Variants in ZNF804B observed in about 807,000 individuals in gnomAD.
ZNF804B encodes zinc finger 804B.
ZNF804B carries 80 observed loss-of-function variants against 101.4 expected under a neutral mutation model. That is an observed-to-expected ratio of 0.79 (90% confidence interval 0.66 to 0.95). The LOEUF (loss-of-function observed/expected upper bound fraction) is 0.95, where lower values mean the gene tolerates loss of function less well. Among genes scored for constraint, ZNF804B ranks in the 40% least tolerant of loss-of-function variants. The pLI is 0.00. For synonymous variants in ZNF804B, 622 were observed against 558.8 expected (o/e 1.11, Z -1.59); for missense variants, 1,673 against 1,561.9 (o/e 1.07, Z -1.20).
chr7:89,029,607 T>G (rs1362669001), intron 1 of ZNF804B, among the ~76,000 whole-genome samples: 1 of 152,186 alleles, frequency 6.6e-6, no homozygotes, highest in Non-Finnish European at 1.5e-5. Flanking sequence ...TGATTGCATG[T>G]ATTTTATACT....
rs888758365 is a variant in ZNF804B, at chr7:89,066,961, A to G, written c.109-151194A>G. On this transcript the variant is annotated intron_variant, in intron 1 of 3. Coordinates refer to ENST00000333190, the MANE Select transcript of ZNF804B (RefSeq NM_181646.5). ...CTAATATATATATAAGTATATATATATCTTGTGGTTATTTTATCATCCTAC... is the reference window on the plus strand; with the variant it reads ...CTAATATATATATAAGTATATATATGTCTTGTGGTTATTTTATCATCCTAC... Among the ~76,000 whole-genome samples, 4 of 151,998 alleles carry G rather than the reference A, an allele frequency of 2.6e-5. No homozygotes were observed. The East Asian group carries it at 7.7e-4, about 29-fold the overall frequency.
chr7:89,042,280 A>G (rs1169267929), intron 1 of ZNF804B, among the ~76,000 whole-genome samples: 1 of 152,182 alleles, frequency 6.6e-6, no homozygotes, highest in African/African-American at 2.4e-5. Flanking sequence ...TCAAAATGCA[A>G]TCAGAAATGT....
intron 2 of ZNF804B, among the ~76,000 whole-genome samples, chr7:89,278,280 A>T (rs1208860): frequency 0.41 from 62,309 of 150,594 alleles, 13,325 homozygotes; most frequent in African/African-American, 0.5. Flanking sequence ...GTTGTGAAAA[A>T]TTTCTCCCAT....
chr7:88,845,204 C>A (rs1791350505), intron 1 of ZNF804B, among the ~76,000 whole-genome samples: 1 of 152,142 alleles, frequency 6.6e-6, no homozygotes, highest in Admixed American at 6.5e-5. Flanking sequence ...ACTTCTGATT[C>A]TGTGTAACAT....
chr7:88,877,059 T>TGAAAAAAAAATATA (rs1791964041), intron 1 of ZNF804B, among the ~76,000 whole-genome samples: 1 of 69,168 alleles, frequency 1.4e-5, no homozygotes, highest in African/African-American at 7.8e-5. Flanking sequence ...ATTTTTTTTT[T>TGAAAAAAAAATATA]TTTTTTTTTT....
intron 1 of ZNF804B, among the ~76,000 whole-genome samples, chr7:88,811,761 G>T (rs1438849192): frequency 1.3e-5 from 2 of 152,154 alleles, no homozygotes; most frequent in African/African-American, 4.8e-5. Flanking sequence ...TCATAAGTAG[G>T]AGCTGAACAA....
At chr7:88,972,840 A>G (rs894890072) in intron 1 of ZNF804B, among the ~76,000 whole-genome samples, 4 of 151,438 alleles carry the variant, frequency 2.6e-5, no homozygotes, top group African/African-American at 9.7e-5. Context: ...GTTTGGAAAA[A>G]GAAGGAAAGG....
chr7:88,920,398 C>T (rs1335177416), intron 1 of ZNF804B, among the ~76,000 whole-genome samples: 1 of 151,952 alleles, frequency 6.6e-6, no homozygotes, highest in African/African-American at 2.4e-5. Flanking sequence ...ATGCATTGTA[C>T]AAATACATGT....
chr7:89,075,384 G>A (rs1262600538), intron 1 of ZNF804B, among the ~76,000 whole-genome samples: 3 of 152,132 alleles, frequency 2.0e-5, no homozygotes, highest in African/African-American at 7.2e-5. Context: ...AGCCACTCCA[G>A]CCATGACTAA....
At chr7:89,211,486 T>C (rs1788802876) in intron 1 of ZNF804B, among the ~76,000 whole-genome samples, 1 of 151,914 alleles carries the variant, frequency 6.6e-6, no homozygotes, top group Non-Finnish European at 1.5e-5. Context: ...TCTAGGATTT[T>C]TGTTGTTTTG....
At chr7:89,265,291 T>TGTGTCC (rs1554386380) in intron 2 of ZNF804B, among the ~76,000 whole-genome samples, 1 of 63,680 alleles carries the variant, frequency 1.6e-5, no homozygotes, top group Admixed American at 1.2e-4. Context: ...TGTGTGTGTG[T>TGTGTCC]GTGCGCGTGC....
At chr7:88,876,999 A>G (rs1157473931) in intron 1 of ZNF804B, among the ~76,000 whole-genome samples, 1 of 73,958 alleles carries the variant, frequency 1.4e-5, no homozygotes, top group Non-Finnish European at 2.1e-5. Flanking sequence ...AGAATATTTG[A>G]AAAAAAAAAT....
chr7:88,829,261 T>A (rs1036723687), intron 1 of ZNF804B, among the ~76,000 whole-genome samples: 13 of 152,036 alleles, frequency 8.6e-5, no homozygotes, highest in Non-Finnish European at 1.6e-4. Flanking sequence ...TGAACATTTT[T>A]AATTTTTTTA....
At chr7:88,801,842 A>C (rs753806877) in intron 1 of ZNF804B, among the ~76,000 whole-genome samples, 3 of 152,186 alleles carry the variant, frequency 2.0e-5, no homozygotes, top group Non-Finnish European at 4.4e-5. Context: ...AGAATATTTC[A>C]AGGGAGGAAA....
intron 1 of ZNF804B, among the ~76,000 whole-genome samples, chr7:88,849,915 G>A (rs1192847503): frequency 2.6e-5 from 4 of 151,590 alleles, no homozygotes; most frequent in Non-Finnish European, 5.9e-5. Flanking sequence ...CAGGCCTAGA[G>A]AAAAAAATTT....
chr7:88,923,291 C>T (rs957459746), intron 1 of ZNF804B, among the ~76,000 whole-genome samples: 2 of 152,024 alleles, frequency 1.3e-5, no homozygotes, highest in Non-Finnish European at 2.9e-5. Context: ...AATGATTTCT[C>T]ATCAGTGGAC....
intron 2 of ZNF804B, among the ~76,000 whole-genome samples, chr7:89,236,146 A>G (rs1421614720): frequency 2.0e-5 from 3 of 152,104 alleles, no homozygotes; most frequent in African/African-American, 7.2e-5. Flanking sequence ...TTCAATCAAC[A>G]TTTATTTAGC....
At chr7:89,140,432 C>T (rs1401016654) in intron 1 of ZNF804B, among the ~76,000 whole-genome samples, 1 of 152,026 alleles carries the variant, frequency 6.6e-6, no homozygotes, top group Non-Finnish European at 1.5e-5. Flanking sequence ...CCTAGTATTT[C>T]TTATCTTTAT....
At chr7:88,965,253 T>C (rs1369766393) in intron 1 of ZNF804B, among the ~76,000 whole-genome samples, 3 of 151,396 alleles carry the variant, frequency 2.0e-5, no homozygotes, top group African/African-American at 7.3e-5. Flanking sequence ...TGGAGTGAAA[T>C]CATGTGTTCA....
Sources: allele counts gnomAD v4.1 joint callset (sites outside exome capture counted in the v4.1 genomes callset), GRCh38; gene constraint gnomAD v4.1.1; transcripts MANE v1.5; gene names NCBI Gene and HGNC (gene_info 2026-07-23, HGNC 2026-07-21).